PTPRN2: variants seen among roughly 807,000 people sequenced by gnomAD.
The protein encoded by PTPRN2 is receptor-type tyrosine-protein phosphatase N2.
A neutral mutation model predicts 118.8 loss-of-function variants in PTPRN2; 74 were observed. The ratio of observed to expected loss-of-function variants is 0.62; its 90% CI spans 0.52 to 0.76. The LOEUF (loss-of-function observed/expected upper bound fraction) is 0.76, where lower values mean the gene tolerates loss of function less well. PTPRN2 is among the 30% of genes least tolerant of loss of function. PTPRN2 has a pLI of 0.00. For missense variants in PTPRN2, 1,481 were observed against 1,394.4 expected, an observed-to-expected ratio of 1.06 and a Z score of -0.99; for synonymous variants, 641 against 608.0, an observed-to-expected ratio of 1.05 and a Z score of -0.80.
At chr7:158,431,302 A>T (rs1816155749) in intron 2 of PTPRN2, among the ~76,000 whole-genome samples, 1 of 148,430 alleles carries the variant, frequency 6.7e-6, no homozygotes. Flanking sequence ...GGCACACACC[A>T]GGCTTACACT....
chr7:157,548,347 G>A (rs997740011), intron 22 of PTPRN2, among the ~76,000 whole-genome samples: 3 of 152,226 alleles, frequency 2.0e-5, no homozygotes, highest in Non-Finnish European at 4.4e-5. Flanking sequence ...AGGGCGAAAT[G>A]AAACCAAGGA....
intron 2 of PTPRN2, among the ~76,000 whole-genome samples, chr7:158,441,904 AGTG>A (rs1173259467): frequency 2.9e-5 from 2 of 68,520 alleles, no homozygotes; most frequent in Non-Finnish European, 5.8e-5. Flanking sequence ...TGGTCATGGC[AGTG>A]GTGGTGATGG....
chr7:158,119,445 T>C (rs879777368), intron 9 of PTPRN2, among the ~76,000 whole-genome samples: 2 of 152,166 alleles, frequency 1.3e-5, no homozygotes, highest in Non-Finnish European at 2.9e-5. Flanking sequence ...TGTAACACGG[T>C]ATATCAAGTG....
At chr7:157,835,298 T>C (rs1807855524) in intron 12 of PTPRN2, among the ~76,000 whole-genome samples, 2 of 151,970 alleles carry the variant, frequency 1.3e-5, no homozygotes, top group South Asian at 4.1e-4. Flanking sequence ...CAGGGTGTCA[T>C]AAAAACAGAA....
chr7:158,376,434 A>G (rs6459872), intron 2 of PTPRN2, among the ~76,000 whole-genome samples: 137,274 of 141,050 alleles, frequency 0.97, 66,777 homozygotes, highest in East Asian at 0.99. Context: ...GTCCTGAGGG[A>G]GGGGTTCAGG....
chr7:158,322,120 C>T (rs1803075209), intron 2 of PTPRN2, among the ~76,000 whole-genome samples: 1 of 152,152 alleles, frequency 6.6e-6, no homozygotes, highest in Admixed American at 6.5e-5. Context: ...GTTCTGGGAG[C>T]AGGTCAGTGC....
In PTPRN2 at chr7:157,591,099, AGAG is replaced by A. The variant is rs1456365442; in HGVS notation, c.2496+4136_2496+4138del. Among the ~76,000 whole-genome samples the A allele has an allele frequency of 1.3e-5, 2 of 152,140 alleles. No homozygotes were observed. The highest frequency in any genetic ancestry group is 2.9e-5 in the Non-Finnish European group (2 of 68,032). ...CAGTCCAATGACTGACATCCTTAGA[AGAG>A]GAGGGAAATTTGGACCCTGACATAA... On this transcript the variant is annotated intron_variant, in intron 17 of 22. Transcript: ENST00000389418. This position sits in a 1 kb window ranked among gnomAD's most constrained non-coding sequence, Gnocchi z 4.4.
chr7:158,192,177 A>T, intron 5 of PTPRN2, 150 bp downstream of exon 5: 1 of 926,546 alleles, frequency 1.1e-6, no homozygotes, highest in Non-Finnish European at 1.5e-6. Context: ...AAGGGGCCCC[A>T]GGAACACCGA....
chr7:157,879,148 G>T (rs980969554), intron 12 of PTPRN2, among the ~76,000 whole-genome samples: 4 of 135,230 alleles, frequency 3.0e-5, no homozygotes, highest in African/African-American at 8.6e-5. Flanking sequence ...CCGTGGGGCT[G>T]GACGGGTCAG....
chr7:157,950,794 C>T (rs866991116), intron 11 of PTPRN2, among the ~76,000 whole-genome samples: 16 of 152,242 alleles, frequency 1.1e-4, no homozygotes, highest in Admixed American at 2.0e-4. Context: ...TGTTGGCAAA[C>T]GGCTCTTTGC....
intron 11 of PTPRN2, among the ~76,000 whole-genome samples, chr7:158,025,216 A>C (rs1044677678): frequency 1.3e-5 from 2 of 152,192 alleles, no homozygotes; most frequent in East Asian, 3.8e-4. Context: ...CCTCCTTGTC[A>C]GTGTGATGGT....
chr7:158,033,249 G>C (rs949713084), intron 11 of PTPRN2, among the ~76,000 whole-genome samples: 1 of 135,362 alleles, frequency 7.4e-6, no homozygotes, highest in African/African-American at 2.9e-5. Flanking sequence ...TGGAGCTGTG[G>C]TGATCTTCTT....
At chr7:157,796,701 G>A (rs1585492318) in intron 12 of PTPRN2, among the ~76,000 whole-genome samples, 1 of 152,260 alleles carries the variant, frequency 6.6e-6, no homozygotes, top group Non-Finnish European at 1.5e-5. Flanking sequence ...TTCTGGGGAG[G>A]CCTCAGGGAG....
chr7:157,551,203 C>T (rs1011134955), intron 21 of PTPRN2, among the ~76,000 whole-genome samples: 6 of 152,088 alleles, frequency 3.9e-5, no homozygotes, highest in Admixed American at 1.3e-4. Context: ...CACAAACATT[C>T]GTGCTTGAGC....
At chr7:157,695,474 TA>T (rs1797720033) in intron 12 of PTPRN2, among the ~76,000 whole-genome samples, 1 of 152,058 alleles carries the variant, frequency 6.6e-6, no homozygotes, top group Non-Finnish European at 1.5e-5. Context: ...AATATAAAAA[TA>T]AAAATAGATC....
At chr7:157,605,645 A>G (rs1409041753) in intron 15 of PTPRN2, among the ~76,000 whole-genome samples, 1 of 152,224 alleles carries the variant, frequency 6.6e-6, no homozygotes, top group Non-Finnish European at 1.5e-5. Flanking sequence ...AGTCTCCCAC[A>G]GGGGGCAGCT....
chr7:158,313,103 T>C (rs191093589), intron 3 of PTPRN2, among the ~76,000 whole-genome samples: 4 of 152,018 alleles, frequency 2.6e-5, no homozygotes, highest in Non-Finnish European at 4.4e-5. Context: ...TGTATGAGTG[T>C]GCAAGTGTGT....
intron 12 of PTPRN2, among the ~76,000 whole-genome samples, chr7:157,747,843 C>G (rs1195352849): frequency 3.2e-5 from 3 of 93,832 alleles, no homozygotes; most frequent in Non-Finnish European, 6.1e-5. Flanking sequence ...TTTGGGCTGT[C>G]CGGGTGATTC....
intron 12 of PTPRN2, among the ~76,000 whole-genome samples, 173 bp downstream of exon 12, chr7:157,898,500 G>A (rs377515051): frequency 3.0e-4 from 45 of 152,204 alleles, no homozygotes; most frequent in African/African-American, 7.2e-4. Flanking sequence ...GGCACGTTTC[G>A]CCACCGTTTC....
Sources: gnomAD v4.1 joint callset for allele counts (sites outside exome capture counted in the v4.1 genomes callset) on GRCh38, gnomAD v4.1.1 for gene constraint, Gnocchi (gnomAD v3.1) non-coding constraint, MANE v1.5 for transcripts, NCBI Gene and HGNC (gene_info 2026-07-23, HGNC 2026-07-21) for gene names.